Variants in PHC2 observed in about 807,000 individuals in gnomAD.
PHC2 encodes the protein polyhomeotic homolog 2, also known as polyhomeotic-like protein 2.
Under a neutral mutation model 87.4 loss-of-function variants are expected in PHC2, and 29 were observed. That is an observed-to-expected ratio of 0.33 (90% CI 0.25 to 0.45). The LOEUF is 0.45. Ranked by LOEUF, PHC2 falls within the 20% of genes least tolerant of loss-of-function variation. PHC2 has a pLI of 1.00. For missense variants in PHC2, 857 were observed against 1,136.7 expected (o/e 0.75, Z 3.54); for synonymous variants, 438 against 461.7 (o/e 0.95, Z 0.66).
chr1:33,361,455 C>G (rs1017320739), intron 7 of PHC2, among the ~76,000 whole-genome samples: 1 of 152,206 alleles, frequency 6.6e-6, no homozygotes, highest in African/African-American at 2.4e-5. Context: ...ATTCTCCTGC[C>G]TCAGCCTCCC....
At position 33,351,973 on chromosome 1, in the gene PHC2, GACATAC is replaced by G. The variant is rs1459995691; in HGVS notation, c.1558+2422_1558+2427del. Among the ~76,000 whole-genome samples, 674 of 116,374 alleles carry G rather than the reference GACATAC, an allele frequency of 5.8e-3. 3 individuals carry two copies. The highest frequency in any genetic ancestry group is 0.019 in the African/African-American group (629 of 33,394). The allele number at this position is 116,374 out of a possible 152,430, so 76.3% of individuals were successfully genotyped here. A position where few individuals can be genotyped will look rare whatever the true frequency, so the allele number is the denominator to read the frequency against. On this transcript the variant is annotated intron_variant, in intron 9 of 14. Transcript: ENST00000683057. Reference sequence around the variant, plus strand: ...TCTCAAAAAAAAAAAAAAAAAAAAAGACATACACAGAATGGATATTTAAGTCTTGGG... The same window carrying G: ...TCTCAAAAAAAAAAAAAAAAAAAAAGACAGAATGGATATTTAAGTCTTGGG...
chr1:33,419,190 T>C (rs969681229), intron 1 of PHC2, among the ~76,000 whole-genome samples: 1 of 152,276 alleles, frequency 6.6e-6, no homozygotes, highest in Non-Finnish European at 1.5e-5. Context: ...GAAATTATTA[T>C]TATACATGTT....
intron 7 of PHC2, among the ~76,000 whole-genome samples, chr1:33,362,183 A>G (rs980759823): frequency 5.1e-4 from 77 of 152,338 alleles, no homozygotes; most frequent in African/African-American, 1.7e-3. Context: ...TTAGTATCAA[A>G]TGGAGTATTT....
At chr1:33,376,939 G>C (rs1273602196) in intron 1 of PHC2, among the ~76,000 whole-genome samples, 1 of 152,120 alleles carries the variant, frequency 6.6e-6, no homozygotes, top group Admixed American at 6.6e-5. Context: ...ATAAACTGAG[G>C]TGTTTATTTA....
chr1:33,341,817 T>A (rs1383609790), intron 9 of PHC2, among the ~76,000 whole-genome samples: 1 of 152,212 alleles, frequency 6.6e-6, no homozygotes, highest in African/African-American at 2.4e-5. Context: ...AAATGAACTC[T>A]TAGTGGTGGG....
Position 33,364,860 on chromosome 1 carries a change from C to G in PHC2, c.976+2256G>C, listed in dbSNP as rs962587812. ...GTCTCTGTACTGCATTCTAGCCAGGCACTGTTAGCCTTAGGCCCTCGGGCC... is the reference window on the plus strand; with the variant it reads ...GTCTCTGTACTGCATTCTAGCCAGGGACTGTTAGCCTTAGGCCCTCGGGCC... On this transcript the variant is annotated intron_variant, in intron 7 of 14. Transcript: ENST00000683057. The surrounding 1 kb of genome is among the most constrained non-coding windows in gnomAD (Gnocchi z 4.1). Among the ~76,000 whole-genome samples, 8 of 152,214 alleles carry G rather than the reference C, an allele frequency of 5.3e-5. No homozygotes were observed. Among genetic ancestry groups the G allele is most frequent in the Non-Finnish European group, 1.2e-4 (8 of 68,036 alleles).
chr1:33,342,768 CCACTG>C (rs1646769282), intron 9 of PHC2, among the ~76,000 whole-genome samples: 1 of 152,182 alleles, frequency 6.6e-6, no homozygotes. Flanking sequence ...GGAGGCCAGT[CCACTG>C]GTATCCAATG....
At chr1:33,398,921 C>T (rs12082778) in intron 1 of PHC2, among the ~76,000 whole-genome samples, 2,717 of 152,236 alleles carry the variant, frequency 0.018, 74 homozygotes, top group African/African-American at 0.061. Flanking sequence ...TCGATAGCCT[C>T]GCTGATTGTT....
At chr1:33,410,186 G>A (rs918323203) in intron 1 of PHC2, among the ~76,000 whole-genome samples, 1 of 152,146 alleles carries the variant, frequency 6.6e-6, no homozygotes, top group Non-Finnish European at 1.5e-5. Context: ...TAATCCCTGT[G>A]GGATTACTGC....
At chr1:33,424,199 A>G (rs1650577124) in intron 1 of PHC2, among the ~76,000 whole-genome samples, 1 of 152,180 alleles carries the variant, frequency 6.6e-6, no homozygotes, top group Non-Finnish European at 1.5e-5. Flanking sequence ...CATTAATACT[A>G]TTTTAGAGAT....
chr1:33,365,552 C>T (rs894599558), intron 7 of PHC2, among the ~76,000 whole-genome samples: 1 of 152,162 alleles, frequency 6.6e-6, no homozygotes, highest in African/African-American at 2.4e-5. Flanking sequence ...GTCCAAGCTG[C>T]TTTCAACGCA....
rs1397060162 is a variant in PHC2, at chr1:33,375,511, G to A, written c.29C>T (p.Thr10Ile). 6 of 1,600,968 alleles carry A rather than the reference G, an allele frequency of 3.7e-6. No homozygotes were observed. The African/African-American group carries it at 6.7e-5, about 18-fold the overall frequency. The change falls in exon 2 of 15, where the codon ACA becomes ATA. Residue 10 changes from threonine (T) to isoleucine (I), a missense_variant. Transcript: ENST00000683057. The stretch of plus-strand genomic sequence containing the variant: ...GCTGGTGGCACAGGCACTGCTAGAT[G>A]TATGTGGGACTGGCAGCTCATTCTC... Reference protein sequence around the residue: MENELPVPHTSSSACATSST... With the variant: MENELPVPHISSSACATSST...
intron 7 of PHC2, among the ~76,000 whole-genome samples, chr1:33,365,900 G>A (rs759639420): frequency 1.2e-4 from 19 of 152,306 alleles, no homozygotes; most frequent in Middle Eastern, 3.4e-3. Flanking sequence ...TGCTCGTGCC[G>A]CAAGGCTCAT....
At chr1:33,390,105 G>A (rs1208027498) in intron 1 of PHC2, among the ~76,000 whole-genome samples, 1 of 152,168 alleles carries the variant, frequency 6.6e-6, no homozygotes, top group Non-Finnish European at 1.5e-5. Context: ...CTGGCTGTGA[G>A]GAAGTGAGTT....
At chr1:33,405,388 G>A (rs751918597) in intron 1 of PHC2, among the ~76,000 whole-genome samples, 31 of 151,924 alleles carry the variant, frequency 2.0e-4, no homozygotes, top group Non-Finnish European at 2.8e-4. Context: ...ACGGGGTTTC[G>A]TCATGTTGGC....
chr1:33,326,099 C>T (rs556175342), intron 14 of PHC2: 3 of 304,010 alleles, frequency 9.9e-6, no homozygotes, highest in Admixed American at 4.2e-5. Flanking sequence ...GGTGGTCTAG[C>T]TAAGGAGATT....
chr1:33,396,443 A>G lies in PHC2; in HGVS notation c.-54-20850T>C, dbSNP rs150620620. 7.5e-3 allele frequency among the ~76,000 whole-genome samples: 1,138 copies of G among 152,278 alleles called. 18 individuals carry two copies. Among genetic ancestry groups the G allele is most frequent in the African/African-American group, 0.026 (1,094 of 41,562 alleles). The stretch of plus-strand genomic sequence containing the variant: ...TGAGCTGCCCCATTTATTCTGCATA[A>G]TTGCTTCATTTCCACTGCCAGTGCA... On this transcript the variant is annotated intron_variant, in intron 1 of 14. Coordinates refer to ENST00000683057, the MANE Select transcript of PHC2 (RefSeq NM_001385109.1).
chr1:33,421,266 A>G (rs1459636555), intron 1 of PHC2, among the ~76,000 whole-genome samples: 2 of 152,208 alleles, frequency 1.3e-5, no homozygotes, highest in Non-Finnish European at 2.9e-5. Flanking sequence ...CCTTGGGGAA[A>G]CAGGAAAAGA....
Position 33,324,900 on chromosome 1 carries a change from T to C in PHC2, c.2545A>G (p.Ile849Val). ...TTGAGCATGCTGATGCGGGCGTAGATCTTCAGGGCGGGCCCCAGCTTGATG... is the reference window on the plus strand; with the variant it reads ...TTGAGCATGCTGATGCGGGCGTAGACCTTCAGGGCGGGCCCCAGCTTGATG... Reference protein sequence around the residue: ...MNIKLGPALKIYARISMLKDS With the variant: ...MNIKLGPALKVYARISMLKDS Residue 849 changes from isoleucine to valine, a missense_variant, in exon 15 of 15, where the codon ATC (isoleucine) becomes GTC (valine). By Grantham distance (29) the Ile-to-Val change is conservative. Transcript: ENST00000683057. 1 of 1,613,712 alleles carries C rather than the reference T, an allele frequency of 6.2e-7. No homozygotes were observed. The highest frequency in any genetic ancestry group is 8.5e-7 in the Non-Finnish European group (1 of 1,179,768).
Sources: allele counts gnomAD v4.1 joint callset (sites outside exome capture counted in the v4.1 genomes callset), GRCh38; gene constraint gnomAD v4.1.1; non-coding constraint Gnocchi (gnomAD v3.1); transcripts MANE v1.5; gene names NCBI Gene and HGNC (gene_info 2026-07-23, HGNC 2026-07-21).